The following SLC9A6 variants were observed in gnomAD, a reference collection of about 807,000 sequenced individuals.
The protein encoded by SLC9A6 is sodium/hydrogen exchanger 6.
A neutral mutation model predicts 45.3 loss-of-function variants in SLC9A6; 6 were observed. That is an observed-to-expected ratio of 0.13 (90% CI 0.07 to 0.26). The LOEUF (loss-of-function observed/expected upper bound fraction) is 0.26, where lower values mean the gene tolerates loss of function less well. Among genes scored for constraint, SLC9A6 ranks in the 10% least tolerant of loss-of-function variants. SLC9A6 has a pLI of 1.00. For missense variants in SLC9A6, 278 were observed against 503.7 expected, an observed-to-expected ratio of 0.55 and a Z score of 4.29; for synonymous variants, 191 against 187.7, an observed-to-expected ratio of 1.02 and a Z score of -0.14.
In SLC9A6 at chrX:136,022,591, T is replaced by C; in HGVS notation, c.1200T>C (p.Ala400=). Residue 400 remains alanine, a synonymous_variant, in exon 12 of 18, where the codon GCT becomes GCC. Coordinates refer to ENST00000630721, the MANE Select transcript of SLC9A6 (RefSeq NM_001379110.1). The part of the protein sequence containing the change: ...NPTFVVGAFV[A]IFLGRAANIY... ...TAACCTATTAATAATTTTAGGTTGC[T>C]ATTTTCTTGGGAAGAGCTGCCAATA... 8.6e-7 allele frequency: 1 copy of C among 1,163,044 alleles called. No individual in the cohort carries two copies. The highest frequency in any genetic ancestry group is 1.2e-6 in the Non-Finnish European group (1 of 856,025).
intron 2 of SLC9A6, among the ~76,000 whole-genome samples, chrX:135,990,104 G>A (rs968938793): frequency 1.8e-5 from 2 of 111,100 alleles, no homozygotes; most frequent in Non-Finnish European, 3.8e-5. Flanking sequence ...TTCTGCCTCA[G>A]CCTCCCGAGT....
chrX:136,003,974 A>G (rs1016510207), intron 7 of SLC9A6, among the ~76,000 whole-genome samples: 3 of 110,321 alleles, frequency 2.7e-5, no homozygotes, highest in Non-Finnish European at 3.8e-5. Flanking sequence ...TGAATGAGCA[A>G]TATTTTTTAT....
intron 15 of SLC9A6, chrX:136,030,514 C>G: frequency 4.3e-6 from 1 of 231,207 alleles, no homozygotes; most frequent in Non-Finnish European, 7.8e-6. Flanking sequence ...GAAGGCTTGT[C>G]TCTGATGTAA....
Position 136,033,274 on chromosome X carries a change from CTA to C in SLC9A6, c.1582-138_1582-137del. The C allele has an allele frequency of 2.1e-5, 8 of 389,158 alleles. No homozygotes were observed. In the South Asian group the frequency reaches 2.1e-4, roughly 10 times the overall value. 32.1% of individuals were successfully genotyped at this position (389,158 alleles called of 1,213,427 possible). A position where few individuals can be genotyped will look rare whatever the true frequency, so the allele number is the denominator to read the frequency against. On this transcript the variant is annotated intron_variant, in intron 15 of 17. Coordinates refer to ENST00000630721, the MANE Select transcript of SLC9A6 (RefSeq NM_001379110.1). Reference sequence around the variant, plus strand: ...CTATTCCAAAGCTGCAATATACAAACTATTAAATTTCTAATGTTACCCTTGTT... The same window carrying C: ...CTATTCCAAAGCTGCAATATACAAACTTAAATTTCTAATGTTACCCTTGTT...
chrX:136,032,104 G>T lies in SLC9A6; in HGVS notation c.1582-1310G>T, dbSNP rs193173061. On this transcript the variant is annotated intron_variant, in intron 15 of 17. Coordinates refer to ENST00000630721, the MANE Select transcript of SLC9A6 (RefSeq NM_001379110.1). Reference sequence around the variant, plus strand: ...ACTTACTGAGATGAAGTTTCACTCTGTCGGTCATGCTAGAGTGCAGTGGCA... The same window carrying T: ...ACTTACTGAGATGAAGTTTCACTCTTTCGGTCATGCTAGAGTGCAGTGGCA... Among the ~76,000 whole-genome samples, 654 of 112,011 alleles carry T rather than the reference G, an allele frequency of 5.8e-3. 6 individuals are homozygous for T. Among genetic ancestry groups the T allele is most frequent in the African/African-American group, 0.02 (624 of 30,758 alleles).
intron 8 of SLC9A6, among the ~76,000 whole-genome samples, chrX:136,010,978 G>A (rs1404716347): frequency 1.8e-5 from 2 of 112,085 alleles, no homozygotes; most frequent in African/African-American, 6.5e-5. Context: ...CAACAGCGAC[G>A]CCGAATGAAC....
At chrX:136,043,131 G>A (rs372705516) in intron 17 of SLC9A6, among the ~76,000 whole-genome samples, 4 of 111,909 alleles carry the variant, frequency 3.6e-5, no homozygotes, top group Admixed American at 1.9e-4. Context: ...GAGCTTGTGA[G>A]TATTGCTGAA....
At chrX:135,996,077 G>A (rs2089492913) in intron 3 of SLC9A6, among the ~76,000 whole-genome samples, 1 of 95,262 alleles carries the variant, frequency 1.0e-5, no homozygotes, top group African/African-American at 4.0e-5. Flanking sequence ...TGTCACCCAG[G>A]CTGGAGTGTA....
intron 16 of SLC9A6, among the ~76,000 whole-genome samples, chrX:136,039,659 C>T (rs2071473972): frequency 8.9e-6 from 1 of 112,110 alleles, no homozygotes; most frequent in Non-Finnish European, 1.9e-5. Context: ...TTAATTTCCT[C>T]TCTGGCCATT....
At chrX:135,998,835 A>G in intron 5 of SLC9A6, 21 bp from the exon 6 acceptor site, 1 of 1,075,425 alleles carries the variant, frequency 9.3e-7, no homozygotes, top group Non-Finnish European at 1.3e-6. Context: ...TTTCTAAAGT[A>G]GGACTGTGTT....
chrX:135,998,603 A>T, intron 5 of SLC9A6, 45 bp downstream of exon 5: 1 of 910,762 alleles, frequency 1.1e-6, no homozygotes, highest in Non-Finnish European at 1.6e-6. Flanking sequence ...TCAAATTATA[A>T]TTTTAAAATA....
rs142161862 is a variant in SLC9A6 at position 136,022,678 on chromosome X, A to G, written c.1287A>G (p.Gln429=). The G allele has an allele frequency of 3.9e-5, 46 of 1,177,217 alleles. No individual in the cohort carries two copies. The highest frequency in any genetic ancestry group is 4.7e-5 in the Non-Finnish European group (41 of 868,600). Residue 429 remains glutamine (Q), a synonymous_variant, in exon 12 of 18, where the codon CAA becomes CAG. Coordinates refer to ENST00000630721, the MANE Select transcript of SLC9A6 (RefSeq NM_001379110.1). The part of the protein sequence containing the change: ...GRRSKIGSNF[Q]HMMMFAGLRG... ...GAAGTAAGATTGGATCAAATTTTCAACACATGATGATGTTTGCTGGTAAGT... is the reference window on the plus strand; with the variant it reads ...GAAGTAAGATTGGATCAAATTTTCAGCACATGATGATGTTTGCTGGTAAGT...
intron 8 of SLC9A6, among the ~76,000 whole-genome samples, chrX:136,011,951 A>T (rs1007517659): frequency 2.7e-5 from 3 of 111,532 alleles, no homozygotes; most frequent in African/African-American, 9.8e-5. Flanking sequence ...TTAGCCGGGC[A>T]TGGTGGTGGG....
intron 8 of SLC9A6, among the ~76,000 whole-genome samples, chrX:136,010,838 G>A (rs2070907166): frequency 8.9e-6 from 1 of 112,218 alleles, no homozygotes; most frequent in African/African-American, 3.2e-5. Flanking sequence ...CTCTCTGAGG[G>A]TGAATTTTAT....
chrX:136,044,188 C>T (rs781955271), intron 17 of SLC9A6, among the ~76,000 whole-genome samples: 1 of 111,287 alleles, frequency 9.0e-6, no homozygotes, highest in East Asian at 2.8e-4. Context: ...AGAGAAAGCA[C>T]GAGGAGTCTG....
intron 1 of SLC9A6, among the ~76,000 whole-genome samples, chrX:135,976,814 G>A (rs1216300959): frequency 3.6e-5 from 4 of 111,573 alleles, no homozygotes; most frequent in Non-Finnish European, 7.5e-5. Context: ...CCCATGTCCA[G>A]ATATTGAGTT....
chrX:135,978,457 G>C (rs1364460348), intron 1 of SLC9A6, among the ~76,000 whole-genome samples: 5 of 111,271 alleles, frequency 4.5e-5, no homozygotes, highest in Non-Finnish European at 9.4e-5. Flanking sequence ...TTCAAGACCA[G>C]CCTAGCCAAC....
upstream of SLC9A6, among the ~76,000 whole-genome samples, chrX:135,982,337 A>T (rs1338413828): frequency 1.2e-5 from 1 of 86,465 alleles, no homozygotes; most frequent in African/African-American, 4.5e-5. Flanking sequence ...GAAAATGTTC[A>T]TGGAGAGCAG....
intron 3 of SLC9A6, among the ~76,000 whole-genome samples, chrX:135,997,266 G>C (rs920080332): frequency 5.5e-5 from 6 of 109,175 alleles, no homozygotes; most frequent in Admixed American, 9.8e-5. Context: ...ATGTCGGTCA[G>C]GCAGGTCTCA....
Sources: allele counts gnomAD v4.1 joint callset (sites outside exome capture counted in the v4.1 genomes callset), GRCh38; gene constraint gnomAD v4.1.1; transcripts MANE v1.5; gene names NCBI Gene and HGNC (gene_info 2026-07-23, HGNC 2026-07-21).